Variants in ERI3 observed in about 807,000 individuals in gnomAD.
ERI3 encodes the protein ERI1 exoribonuclease 3.
In ERI3, 18 loss-of-function variants were observed where a neutral mutation model predicts 44.4. That is an observed-to-expected ratio of 0.41 (90% confidence interval 0.28 to 0.60). The LOEUF (loss-of-function observed/expected upper bound fraction) is 0.60. Among genes scored for constraint, ERI3 ranks in the 20% least tolerant of loss-of-function variants. The probability of loss-of-function intolerance (pLI) is 0.36; values close to 1 mark genes in which losing one functional copy is unlikely to be tolerated. For synonymous variants in ERI3, 183 were observed against 164.8 expected (o/e 1.11, Z -0.84); for missense variants, 294 against 435.5 (o/e 0.68, Z 2.89).
At chr1:44,259,911 A>ATAGAT (rs1644858983) in intron 7 of ERI3, among the ~76,000 whole-genome samples, 1 of 150,450 alleles carries the variant, frequency 6.6e-6, no homozygotes, top group African/African-American at 2.5e-5. Context: ...AGATAGATAG[A>ATAGAT]TAGATAGATA....
At chr1:44,246,329 A>G (rs948943282) in intron 8 of ERI3, among the ~76,000 whole-genome samples, 3 of 152,078 alleles carry the variant, frequency 2.0e-5, no homozygotes, top group African/African-American at 4.8e-5. Flanking sequence ...ACTCCTATTC[A>G]TCTTTCAAAG....
At chr1:44,343,371 C>A (rs1557868656) in intron 2 of ERI3, among the ~76,000 whole-genome samples, 1 of 152,188 alleles carries the variant, frequency 6.6e-6, no homozygotes, top group Non-Finnish European at 1.5e-5. Context: ...GCCTGGCAGA[C>A]ATCACCTTAA....
chr1:44,248,112 C>T, intron 7 of ERI3, 74 bp from the exon 8 acceptor site: 1 of 980,846 alleles, frequency 1.0e-6, no homozygotes, highest in Non-Finnish European at 1.5e-6. Context: ...GGTCTTCCCC[C>T]CACCCCCCAA....
At chr1:44,290,879 C>T (rs1025371033) in intron 6 of ERI3, among the ~76,000 whole-genome samples, 22 of 152,072 alleles carry the variant, frequency 1.4e-4, no homozygotes, top group African/African-American at 5.3e-4. Context: ...ACTGTGGCAT[C>T]GAGGTAAAAT....
intron 6 of ERI3, among the ~76,000 whole-genome samples, chr1:44,296,081 C>G (rs936071894): frequency 7.9e-5 from 12 of 152,294 alleles, no homozygotes; most frequent in Admixed American, 6.5e-4. Flanking sequence ...TTAATAGGCC[C>G]TAGATTCCTT....
intron 7 of ERI3, among the ~76,000 whole-genome samples, chr1:44,249,948 G>A (rs11590157): frequency 0.14 from 20,788 of 152,192 alleles, 1,811 homozygotes; most frequent in Non-Finnish European, 0.19. Flanking sequence ...AGACGAGCTG[G>A]ATGGGTTTTT....
At chr1:44,278,200 G>A (rs1053992222) in intron 7 of ERI3, among the ~76,000 whole-genome samples, 14 of 152,090 alleles carry the variant, frequency 9.2e-5, no homozygotes, top group Non-Finnish European at 1.5e-4. Context: ...TTAATCTGCC[G>A]AGTGCAGTGG....
At chr1:44,285,368 C>A (rs548989949) in intron 6 of ERI3, among the ~76,000 whole-genome samples, 3 of 152,234 alleles carry the variant, frequency 2.0e-5, no homozygotes, top group Non-Finnish European at 4.4e-5. Context: ...TCTTTCTATG[C>A]ACTGGTTTGT....
At chr1:44,315,076 C>T (rs1646058819) in intron 4 of ERI3, among the ~76,000 whole-genome samples, 1 of 152,268 alleles carries the variant, frequency 6.6e-6, no homozygotes, top group Non-Finnish European at 1.5e-5. Flanking sequence ...GGCTTAGACA[C>T]ATCTTCAGGC....
intron 8 of ERI3, among the ~76,000 whole-genome samples, chr1:44,222,757 C>T (rs1256550801): frequency 6.6e-6 from 1 of 152,230 alleles, no homozygotes; most frequent in African/African-American, 2.4e-5. Context: ...CCCTTAGATG[C>T]TCCTGGGCCA....
intron 7 of ERI3, 123 bp from the exon 8 acceptor site, chr1:44,248,161 G>T (rs1346088544): frequency 1.6e-6 from 1 of 607,520 alleles, no homozygotes; most frequent in Non-Finnish European, 2.8e-6. Context: ...ATGCCATCTC[G>T]TGAGAGTCCC....
chr1:44,293,954 T>C lies in ERI3; in HGVS notation c.759-9047A>G, dbSNP rs887517447. Among the ~76,000 whole-genome samples the C allele has an allele frequency of 3.3e-5, 5 of 152,176 alleles. No homozygotes were observed. The South Asian group carries it at 6.2e-4, about 19-fold the overall frequency. The stretch of plus-strand genomic sequence containing the variant: ...GAACCCAGCCGGGCAGAGAAAGCCC[T>C]GGGAATGAGCCAGGCCATCACCTGG... On this transcript the variant is annotated intron_variant, in intron 6 of 8. Coordinates refer to ENST00000372257, the MANE Select transcript of ERI3 (RefSeq NM_024066.3).
At chr1:44,255,028 G>A (rs756758497) in intron 7 of ERI3, among the ~76,000 whole-genome samples, 4 of 151,874 alleles carry the variant, frequency 2.6e-5, no homozygotes, top group Non-Finnish European at 4.4e-5. Flanking sequence ...TGTAAAATGG[G>A]GGTTATAATA....
At chr1:44,323,819 G>A (rs956823214) in intron 3 of ERI3, among the ~76,000 whole-genome samples, 1 of 152,206 alleles carries the variant, frequency 6.6e-6, no homozygotes, top group African/African-American at 2.4e-5. Context: ...GAGGGACAGA[G>A]CTGGAACTCC....
chr1:44,307,258 G>A (rs1223305113), intron 6 of ERI3, among the ~76,000 whole-genome samples: 1 of 151,956 alleles, frequency 6.6e-6, no homozygotes. Context: ...CACCCACCTG[G>A]GTACATAACT....
chr1:44,302,236 A>T (rs1645741905), intron 6 of ERI3, among the ~76,000 whole-genome samples: 1 of 152,250 alleles, frequency 6.6e-6, no homozygotes, highest in African/African-American at 2.4e-5. Context: ...GATGTAGCTC[A>T]GTTCTGCTTT....
rs1643892600 is a variant in ERI3 at position 44,221,191 on chromosome 1, AC to A, written c.*366del. On this transcript the variant is annotated 3_prime_UTR_variant, in exon 9 of 9. Coordinates refer to ENST00000372257, the MANE Select transcript of ERI3 (RefSeq NM_024066.3). This position sits in a 1 kb window ranked among gnomAD's most constrained non-coding sequence, Gnocchi z 5.9. ...TGTCCTGGAGCCCTGGGGGCACCACACACCATGCACTATGGATGGGAGGGGG... is the reference window on the plus strand; with the variant it reads ...TGTCCTGGAGCCCTGGGGGCACCACAACCATGCACTATGGATGGGAGGGGG... The A allele has an allele frequency of 3.2e-6, 1 of 317,026 alleles. No individual in the cohort carries two copies. The allele number at this position is 317,026 out of a possible 1,614,324, so 19.6% of individuals were successfully genotyped here.
At chr1:44,292,027 G>A (rs894216974) in intron 6 of ERI3, among the ~76,000 whole-genome samples, 3 of 152,204 alleles carry the variant, frequency 2.0e-5, no homozygotes, top group Non-Finnish European at 4.4e-5. Context: ...GAGGGTTAAA[G>A]GAGCCAACCA....
intron 7 of ERI3, among the ~76,000 whole-genome samples, chr1:44,281,587 C>CG (rs1484731234): frequency 3.7e-5 from 2 of 54,548 alleles, no homozygotes; most frequent in Non-Finnish European, 6.9e-5. Flanking sequence ...GACCCCGTCT[C>CG]GAAAAAAAAA....
Sources: gnomAD v4.1 joint callset for allele counts (sites outside exome capture counted in the v4.1 genomes callset) on GRCh38, gnomAD v4.1.1 for gene constraint, Gnocchi (gnomAD v3.1) non-coding constraint, MANE v1.5 for transcripts, NCBI Gene and HGNC (gene_info 2026-07-23, HGNC 2026-07-21) for gene names.